RNLS: variants seen among roughly 807,000 people sequenced by gnomAD.
The protein encoded by RNLS is renalase, FAD dependent amine oxidase.
RNLS carries 39 observed loss-of-function variants against 39.8 expected under a neutral mutation model. The ratio of observed to expected loss-of-function variants is 0.98; its 90% CI spans 0.76 to 1.28. The LOEUF (loss-of-function observed/expected upper bound fraction) is 1.28. Among genes scored for constraint, RNLS ranks in the 50% most tolerant of loss-of-function variants. The pLI is 0.00. For synonymous variants in RNLS, 147 were observed against 150.7 expected, an observed-to-expected ratio of 0.98 and a Z score of 0.18; for missense variants, 410 against 413.3, an observed-to-expected ratio of 0.99 and a Z score of 0.07.
chr10:88,290,129 T>C (rs755362746), intron 6 of RNLS, among the ~76,000 whole-genome samples: 1 of 152,142 alleles, frequency 6.6e-6, no homozygotes, highest in Non-Finnish European at 1.5e-5. Flanking sequence ...TTTCACAAAA[T>C]GATAGTTGAT....
chr10:88,401,728 A>G (rs887671197), intron 4 of RNLS, among the ~76,000 whole-genome samples: 23 of 152,182 alleles, frequency 1.5e-4, no homozygotes, highest in African/African-American at 5.1e-4. Context: ...TTCTACAAAA[A>G]TAGAACAACT....
intron 4 of RNLS, among the ~76,000 whole-genome samples, chr10:88,395,746 A>G (rs1774730162): frequency 6.6e-6 from 1 of 152,122 alleles, no homozygotes; most frequent in Admixed American, 6.6e-5. Flanking sequence ...CAAACTCAAC[A>G]CACTCTATGT....
chr10:88,467,033 G>A (rs1166005241), intron 4 of RNLS, among the ~76,000 whole-genome samples: 3 of 152,100 alleles, frequency 2.0e-5, no homozygotes, highest in South Asian at 4.1e-4. Flanking sequence ...AATGCTGTCC[G>A]AGAGTTAATT....
chr10:88,472,400 A>G (rs779201976), intron 4 of RNLS, among the ~76,000 whole-genome samples: 3 of 152,188 alleles, frequency 2.0e-5, no homozygotes, highest in Non-Finnish European at 2.9e-5. Flanking sequence ...AAGTCAAAAG[A>G]GTCTGGAGCC....
At chr10:88,282,229 A>G (rs1346278394), downstream of RNLS, among the ~76,000 whole-genome samples, 1 of 152,076 alleles carries the variant, frequency 6.6e-6, no homozygotes, top group African/African-American at 2.4e-5. Flanking sequence ...CAATAAGAAG[A>G]CCACATGATG....
At chr10:88,537,731 G>A (rs1847840623) in intron 4 of RNLS, among the ~76,000 whole-genome samples, 1 of 152,268 alleles carries the variant, frequency 6.6e-6, no homozygotes, top group East Asian at 1.9e-4. Flanking sequence ...GGGCTGGAAG[G>A]GAGCTAAGGG....
At chr10:88,420,911 A>C (rs966201495) in intron 4 of RNLS, among the ~76,000 whole-genome samples, 1 of 152,230 alleles carries the variant, frequency 6.6e-6, no homozygotes, top group African/African-American at 2.4e-5. Flanking sequence ...TAATCAGATC[A>C]AGTCTATACC....
At chr10:88,182,932 C>T in the RNLS span, among the ~76,000 whole-genome samples, 1 of 152,066 alleles carries the variant, frequency 6.6e-6, no homozygotes. Context: ...GCTTTGACTC[C>T]TACATGCCCG....
chr10:88,484,911 A>T (rs543254363), intron 4 of RNLS, among the ~76,000 whole-genome samples: 3 of 152,096 alleles, frequency 2.0e-5, no homozygotes, highest in Non-Finnish European at 2.9e-5. Context: ...AATTTTGCTT[A>T]GCAATTTTGT....
the RNLS span, among the ~76,000 whole-genome samples, chr10:88,186,892 G>A: frequency 6.6e-6 from 1 of 151,930 alleles, no homozygotes; most frequent in East Asian, 1.9e-4. Context: ...TACAGTTCAG[G>A]TATACTTTCT....
At chr10:88,344,408 A>G (rs1848173390) in intron 5 of RNLS, among the ~76,000 whole-genome samples, 1 of 152,138 alleles carries the variant, frequency 6.6e-6, no homozygotes, top group Admixed American at 6.6e-5. Context: ...GAGGAAATCT[A>G]CTGGTTTACT....
the RNLS span, among the ~76,000 whole-genome samples, chr10:88,193,839 C>T: frequency 6.8e-6 from 1 of 148,104 alleles, no homozygotes; most frequent in South Asian, 2.1e-4. Context: ...TGTGCTACAA[C>T]AAAATTAGCT....
At chr10:88,532,376 C>G (rs962942030) in intron 4 of RNLS, among the ~76,000 whole-genome samples, 4 of 151,944 alleles carry the variant, frequency 2.6e-5, no homozygotes, top group Non-Finnish European at 4.4e-5. Context: ...AATGCAAATA[C>G]TTACTAGTAT....
chr10:88,326,954 C>A (rs1846663081), intron 5 of RNLS, among the ~76,000 whole-genome samples: 1 of 152,206 alleles, frequency 6.6e-6, no homozygotes, highest in South Asian at 2.1e-4. Flanking sequence ...AATAGCTGCC[C>A]TGCTGGGTTT....
chr10:88,357,024 A>C (rs550675767), intron 5 of RNLS, among the ~76,000 whole-genome samples: 1 of 152,350 alleles, frequency 6.6e-6, no homozygotes, highest in South Asian at 2.1e-4. Flanking sequence ...TATTGGTAAC[A>C]GAGGCTGCAT....
chr10:88,437,910 T>G (rs1318787810), intron 4 of RNLS, among the ~76,000 whole-genome samples: 2 of 152,034 alleles, frequency 1.3e-5, no homozygotes, highest in African/African-American at 4.8e-5. Context: ...GCAGATCACC[T>G]GAGGTTGGGA....
chr10:88,274,646 T>G (rs565503733), exon 7 of RNLS: 1 of 262,966 alleles, frequency 3.8e-6, no homozygotes, highest in South Asian at 5.5e-5. Flanking sequence ...AAAGCCGCTG[T>G]GAACATTGGT....
chr10:88,442,451 A>C (rs941221125), intron 4 of RNLS, among the ~76,000 whole-genome samples: 2 of 152,074 alleles, frequency 1.3e-5, no homozygotes, highest in Non-Finnish European at 2.9e-5. Flanking sequence ...TTAATTCAAC[A>C]CCTCCACTTT....
At chr10:88,377,553 C>T (rs1851113681) in intron 4 of RNLS, among the ~76,000 whole-genome samples, 1 of 152,142 alleles carries the variant, frequency 6.6e-6, no homozygotes, top group African/African-American at 2.4e-5. Context: ...GTACTGAATA[C>T]TACAGGTGAC....
Sources: allele counts gnomAD v4.1 joint callset (sites outside exome capture counted in the v4.1 genomes callset), GRCh38; gene constraint gnomAD v4.1.1; transcripts MANE v1.5; gene names NCBI Gene and HGNC (gene_info 2026-07-23, HGNC 2026-07-21).